Variants in NCR3LG1 observed in about 807,000 individuals in gnomAD.
NCR3LG1 encodes the protein natural killer cell cytotoxicity receptor 3 ligand 1.
NCR3LG1 carries 35 observed loss-of-function variants against 34.8 expected under a neutral mutation model. The ratio of observed to expected loss-of-function variants is 1.01; its 90% CI spans 0.77 to 1.33. The LOEUF (loss-of-function observed/expected upper bound fraction) is 1.33. Among genes scored for constraint, NCR3LG1 ranks in the 40% most tolerant of loss-of-function variants. The pLI is 0.00. For synonymous variants in NCR3LG1, 173 were observed against 163.6 expected (o/e 1.06, Z -0.44); for missense variants, 452 against 423.3 (o/e 1.07, Z -0.60).
chr11:17,353,494 G>A (rs974784277), intron 1 of NCR3LG1, among the ~76,000 whole-genome samples: 1 of 152,020 alleles, frequency 6.6e-6, no homozygotes, highest in African/African-American at 2.4e-5. Flanking sequence ...CCTCGAGCTC[G>A]AAGTGGCGCC....
chr11:17,376,716 G>A lies in NCR3LG1; in HGVS notation c.*4204G>A, dbSNP rs1953480698. On this transcript the variant is annotated 3_prime_UTR_variant, in exon 5 of 5. Coordinates refer to ENST00000338965, the MANE Select transcript of NCR3LG1 (RefSeq NM_001202439.3). ...CCCAAAGATAAGCCTCACACCCTCA[G>A]GCTAGGAAAAGTTGGCCGGGTAATA... is the stretch of plus-strand genomic sequence containing the variant. The A allele has an allele frequency of 6.6e-6, 1 of 152,202 alleles. No individual in the cohort carries two copies. Among genetic ancestry groups the A allele is most frequent in the Non-Finnish European group, 1.5e-5 (1 of 68,028 alleles). The allele number at this position is 152,202 out of a possible 1,614,324, so 9.4% of individuals were successfully genotyped here. A position where few individuals can be genotyped will look rare whatever the true frequency, so the allele number is the denominator to read the frequency against.
Position 17,372,925 on chromosome 11 carries a change from A to C in NCR3LG1, c.*413A>C. 5.9e-6 allele frequency: 1 copy of C among 168,118 alleles called. No individual in the cohort carries two copies. Among genetic ancestry groups the C allele is most frequent in the Non-Finnish European group, 1.3e-5 (1 of 77,442 alleles). 10.4% of individuals were successfully genotyped at this position (168,118 alleles called of 1,614,324 possible). On this transcript the variant is annotated 3_prime_UTR_variant, in exon 5 of 5. Transcript: ENST00000338965. ...GTGCTTATTAGAGGGCCTACAGAGG[A>C]CCAGAGCCAAGCCTCTTAATTACCC...
intron 3 of NCR3LG1, among the ~76,000 whole-genome samples, chr11:17,367,980 G>A (rs576632205): frequency 3.3e-5 from 5 of 152,078 alleles, no homozygotes; most frequent in Admixed American, 6.5e-5. Flanking sequence ...CACCACGCAC[G>A]GCTGATTTTG....
At chr11:17,356,536 TG>T (rs1183293355) in intron 1 of NCR3LG1, 114 bp from the exon 2 acceptor site, 3 of 728,732 alleles carry the variant, frequency 4.1e-6, no homozygotes, top group Non-Finnish European at 6.6e-6. Flanking sequence ...ACCATCACAC[TG>T]GGGGTCAGGC....
At chr11:17,362,696 CTTTCTTTCTTTCTTTCTTTCTTT>C (rs1953286359) in intron 2 of NCR3LG1, among the ~76,000 whole-genome samples, 2 of 6,048 alleles carry the variant, frequency 3.3e-4, no homozygotes, top group African/African-American at 2.1e-3. Flanking sequence ...TCCTTCCTTT[CTTTCTTTCTTTCTTTCTTTCTTT>C]CTTTCTTTCT....
chr11:17,358,142 C>T (rs948605333), intron 2 of NCR3LG1, among the ~76,000 whole-genome samples: 3 of 152,124 alleles, frequency 2.0e-5, no homozygotes, highest in African/African-American at 7.2e-5. Context: ...ATCTTGTATT[C>T]GTATGGTACC....
rs1953483663 is a variant in NCR3LG1, at chr11:17,377,039, C to A, written c.*4527C>A. 6.6e-6 allele frequency: 1 copy of A among 152,106 alleles called. No homozygotes were observed. Among genetic ancestry groups the A allele is most frequent in the African/African-American group, 2.4e-5 (1 of 41,384 alleles). 9.4% of individuals were successfully genotyped at this position (152,106 alleles called of 1,614,324 possible). ...CCCAGACATGCACCCTCATGGGATTCCAGACCCCCTGTATGATGCTTAGTA... is the reference window on the plus strand; with the variant it reads ...CCCAGACATGCACCCTCATGGGATTACAGACCCCCTGTATGATGCTTAGTA... On this transcript the variant is annotated 3_prime_UTR_variant, in exon 5 of 5. Transcript: ENST00000338965.
chr11:17,372,267 C>G lies in NCR3LG1; in HGVS notation c.1120C>G (p.Arg374Gly). The G allele has an allele frequency of 1.4e-6, 1 of 703,118 alleles. No homozygotes were observed. Among genetic ancestry groups the G allele is most frequent in the Non-Finnish European group, 2.6e-6 (1 of 385,014 alleles). 43.6% of individuals were successfully genotyped at this position (703,118 alleles called of 1,614,324 possible). Residue 374 changes from arginine to glycine, a missense_variant, in exon 5 of 5, where the codon CGA (arginine) becomes GGA (glycine). Physicochemically the swap from Arg to Gly is moderately radical, Grantham distance 125. Coordinates refer to ENST00000338965, the MANE Select transcript of NCR3LG1 (RefSeq NM_001202439.3). ...VPYVQAFFAL[R>G]DNPDLCQCCR... The stretch of plus-strand genomic sequence containing the variant: ...TTATGTGCAAGCCTTCTTTGCCTTG[C>G]GAGACAACCCAGATCTTTGTCAGTG...
At chr11:17,357,816 C>A (rs1009872603) in intron 2 of NCR3LG1, among the ~76,000 whole-genome samples, 2 of 152,050 alleles carry the variant, frequency 1.3e-5, no homozygotes, top group African/African-American at 4.8e-5. Context: ...AAGTGATCCC[C>A]CTGCCTCAGC....
At chr11:17,356,562 T>TGG in intron 1 of NCR3LG1, 89 bp from the exon 2 acceptor site, 3 of 942,392 alleles carry the variant, frequency 3.2e-6, no homozygotes, top group Non-Finnish European at 4.7e-6. Context: ...ATATGAATTT[T>TGG]GGAGGACTCA....
Position 17,356,645 on chromosome 11 carries a change from C to T in NCR3LG1, c.71-6C>T. On this transcript the variant is annotated splice_polypyrimidine_tract_variant and splice_region_variant and intron_variant, in intron 1 of 4. Coordinates refer to ENST00000338965, the MANE Select transcript of NCR3LG1 (RefSeq NM_001202439.3). ...AACTGAACATTGTGTCCTCTTATTG[C>T]CACAGGTGATCTGAAAGTAGAGATG... 1 of 1,517,978 alleles carries T rather than the reference C, an allele frequency of 6.6e-7. No homozygotes were observed. The highest frequency in any genetic ancestry group is 8.8e-7 in the Non-Finnish European group (1 of 1,133,762). 94.0% of individuals were successfully genotyped at this position (1,517,978 alleles called of 1,614,324 possible). A position where few individuals can be genotyped will look rare whatever the true frequency, so the allele number is the denominator to read the frequency against.
chr11:17,356,518 C>A, intron 1 of NCR3LG1, 133 bp from the exon 2 acceptor site: 1 of 659,342 alleles, frequency 1.5e-6, no homozygotes, highest in Non-Finnish European at 2.6e-6. Flanking sequence ...AAGGCCCTGC[C>A]TCCAGATACC....
intron 2 of NCR3LG1, 77 bp downstream of exon 2, chr11:17,357,078 A>T: frequency 4.3e-6 from 4 of 930,054 alleles, no homozygotes; most frequent in Non-Finnish European, 6.3e-6. Context: ...CACCTCTTTG[A>T]GCTCCACTTT....
chr11:17,369,328 AT>A (rs1285790521), intron 4 of NCR3LG1, among the ~76,000 whole-genome samples: 48 of 152,212 alleles, frequency 3.2e-4, no homozygotes, highest in African/African-American at 9.9e-4. Flanking sequence ...TTTCTCACAC[AT>A]TTAGAAACTA....
chr11:17,356,536 T>TG, intron 1 of NCR3LG1, 115 bp from the exon 2 acceptor site: 1 of 728,850 alleles, frequency 1.4e-6, no homozygotes, highest in Non-Finnish European at 2.2e-6. Context: ...ACCATCACAC[T>TG]GGGGGTCAGG....
chr11:17,371,414 C>T (rs1953404342), intron 4 of NCR3LG1, among the ~76,000 whole-genome samples: 1 of 152,100 alleles, frequency 6.6e-6, no homozygotes, highest in African/African-American at 2.4e-5. Flanking sequence ...TATTTGTAAG[C>T]ATAAAAACTC....
At chr11:17,354,440 A>G (rs554663853) in intron 1 of NCR3LG1, among the ~76,000 whole-genome samples, 1 of 151,878 alleles carries the variant, frequency 6.6e-6, no homozygotes, top group African/African-American at 2.4e-5. Flanking sequence ...GTTGATTTAA[A>G]TCTTCTAAAT....
intron 2 of NCR3LG1, among the ~76,000 whole-genome samples, chr11:17,364,172 T>A (rs2133353976): frequency 6.6e-6 from 1 of 152,264 alleles, no homozygotes; most frequent in South Asian, 2.1e-4. Context: ...TTTTTTCTCC[T>A]TGTATTTCAG....
At chr11:17,362,728 CTTTCTTTCTTTCTTTCTTTCTTTCTTT>C (rs1953289323) in intron 2 of NCR3LG1, among the ~76,000 whole-genome samples, 1 of 97,932 alleles carries the variant, frequency 1.0e-5, no homozygotes, top group Non-Finnish European at 1.8e-5. Context: ...TTCTTTCTTT[CTTTCTTTCTTTCTTTCTTTCTTTCTTT>C]CTTTCTTTCT....
Sources: gnomAD v4.1 joint callset for allele counts (sites outside exome capture counted in the v4.1 genomes callset) on GRCh38, gnomAD v4.1.1 for gene constraint, MANE v1.5 for transcripts, NCBI Gene and HGNC (gene_info 2026-07-23, HGNC 2026-07-21) for gene names.